The following PUDP variants were observed in gnomAD, a reference collection of about 807,000 sequenced individuals.
PUDP encodes the protein pseudouridine-5'-phosphatase.
Under a neutral mutation model 9.4 loss-of-function variants are expected in PUDP, and 8 were observed. That is an observed-to-expected ratio of 0.85 (90% CI 0.50 to 1.53). The LOEUF is 1.53. PUDP is among the 40% of genes most tolerant of loss of function. The pLI is 0.00. For missense variants in PUDP, 188 were observed against 189.7 expected (o/e 0.99, Z 0.05); for synonymous variants, 99 against 80.7 (o/e 1.23, Z -1.22).
chrX:7,043,472 G>C (rs1467148283), intron 1 of PUDP, among the ~76,000 whole-genome samples: 1 of 112,046 alleles, frequency 8.9e-6, no homozygotes, highest in Admixed American at 9.5e-5. Flanking sequence ...ACCAGAAGCA[G>C]ATGCTGGTGC....
intron 3 of PUDP, among the ~76,000 whole-genome samples, chrX:7,072,813 CAA>C (rs774767127): frequency 3.0e-5 from 1 of 33,015 alleles, no homozygotes. Flanking sequence ...GACTGTGTCT[CAA>C]AAAAAAAAAA....
At chrX:7,048,802 CA>C (rs1949564721), downstream of PUDP, 1 of 112,423 alleles carries the variant, frequency 8.9e-6, no homozygotes, top group African/African-American at 3.2e-5. Flanking sequence ...TATCCGTTTA[CA>C]GTTGGAGTAC....
intron 3 of PUDP, among the ~76,000 whole-genome samples, chrX:6,826,033 T>C (rs991866546): frequency 1.3e-4 from 14 of 111,833 alleles, no homozygotes; most frequent in African/African-American, 4.6e-4. Context: ...ATTCTCATTG[T>C]CTTTGCAAAA....
intron 3 of PUDP, among the ~76,000 whole-genome samples, chrX:6,781,592 C>A (rs1271052928): frequency 2.7e-5 from 3 of 112,063 alleles, no homozygotes; most frequent in Non-Finnish European, 3.8e-5. Context: ...GCTTTTGATT[C>A]TGTTTTCAGA....
chrX:6,876,303 T>C (rs989227659), intron 3 of PUDP, among the ~76,000 whole-genome samples: 1 of 111,572 alleles, frequency 9.0e-6, no homozygotes, highest in Non-Finnish European at 1.9e-5. Context: ...GGCTAAGCTA[T>C]GATGTTCAGC....
chrX:6,913,055 AAATT>A (rs1927872380), intron 3 of PUDP, among the ~76,000 whole-genome samples: 2 of 112,056 alleles, frequency 1.8e-5, no homozygotes, highest in African/African-American at 6.5e-5. Flanking sequence ...TTGGGCATAT[AAATT>A]GTTTCTCATC....
intron 3 of PUDP, among the ~76,000 whole-genome samples, chrX:7,053,513 T>G (rs920885140): frequency 3.6e-5 from 4 of 111,653 alleles, no homozygotes; most frequent in Admixed American, 9.4e-5. Context: ...TCTCACAAGA[T>G]CTGATGGTTT....
chrX:6,903,952 A>T (rs1470129434), intron 3 of PUDP, among the ~76,000 whole-genome samples: 8 of 80,346 alleles, frequency 1.0e-4, no homozygotes, highest in East Asian at 4.4e-4. Context: ...ATATATATAT[A>T]TTTATTTTTT....
chrX:7,118,501 T>C (rs1345388217), intron 1 of PUDP, among the ~76,000 whole-genome samples: 1 of 112,369 alleles, frequency 8.9e-6, no homozygotes, highest in African/African-American at 3.2e-5. Context: ...TTTGGTTAAG[T>C]ACTGTACTGC....
chrX:7,095,209 C>T (rs1302917683), intron 2 of PUDP, among the ~76,000 whole-genome samples: 3 of 112,456 alleles, frequency 2.7e-5, no homozygotes, highest in Non-Finnish European at 5.6e-5. Flanking sequence ...TCTTCATTCC[C>T]CACCTGGGTT....
chrX:7,124,823 C>T (rs956268510), intron 1 of PUDP, among the ~76,000 whole-genome samples: 2 of 109,379 alleles, frequency 1.8e-5, no homozygotes, highest in Non-Finnish European at 3.8e-5. Context: ...TGGCGGGCAC[C>T]TGTAGTCCCA....
At chrX:7,129,292 G>A (rs750958032) in intron 1 of PUDP, among the ~76,000 whole-genome samples, 4 of 112,256 alleles carry the variant, frequency 3.6e-5, no homozygotes, top group Non-Finnish European at 5.6e-5. Flanking sequence ...AAAATGAGGT[G>A]TGGAGAGAAG....
At chrX:6,765,644 T>G (rs181218361) in intron 3 of PUDP, among the ~76,000 whole-genome samples, 2 of 111,842 alleles carry the variant, frequency 1.8e-5, no homozygotes, top group East Asian at 5.6e-4. Flanking sequence ...AAAACATTAG[T>G]GAGAAATGAC....
intron 1 of PUDP, among the ~76,000 whole-genome samples, chrX:7,026,245 T>G (rs955000628): frequency 2.7e-5 from 3 of 111,908 alleles, no homozygotes; most frequent in Non-Finnish European, 5.6e-5. Context: ...GCAGGCTCAG[T>G]GCTCCTTACC....
At chrX:6,713,598 A>G (rs1924559701) in intron 1 of PUDP, among the ~76,000 whole-genome samples, 1 of 111,985 alleles carries the variant, frequency 8.9e-6, no homozygotes, top group Non-Finnish European at 1.9e-5. Flanking sequence ...AACTTACTAT[A>G]TTTATTATGG....
chrX:7,050,726 G>A (rs191631956), intron 3 of PUDP, among the ~76,000 whole-genome samples: 2 of 112,343 alleles, frequency 1.8e-5, no homozygotes, highest in Non-Finnish European at 3.8e-5. Context: ...ATGGAGCGCA[G>A]CTGTGTGGTG....
At chrX:6,750,023 C>T (rs1471369931) in intron 3 of PUDP, among the ~76,000 whole-genome samples, 2 of 111,883 alleles carry the variant, frequency 1.8e-5, no homozygotes, top group African/African-American at 3.3e-5. Context: ...TTAAATGGAA[C>T]GTATTTGGGG....
chrX:6,840,205 C>T (rs1926646538), intron 3 of PUDP, among the ~76,000 whole-genome samples: 1 of 111,766 alleles, frequency 8.9e-6, no homozygotes, highest in South Asian at 3.8e-4. Flanking sequence ...TTCTGTCTTG[C>T]CTGCTGCCAT....
At chrX:6,772,779 A>AACAC (rs202042328) in intron 3 of PUDP, among the ~76,000 whole-genome samples, 2 of 106,709 alleles carry the variant, frequency 1.9e-5, no homozygotes, top group African/African-American at 6.8e-5. Context: ...GCAGAAAATT[A>AACAC]AAACAAACAA....
Sources: allele counts gnomAD v4.1 joint callset (sites outside exome capture counted in the v4.1 genomes callset), GRCh38; gene constraint gnomAD v4.1.1; transcripts MANE v1.5; gene names NCBI Gene and HGNC (gene_info 2026-07-23, HGNC 2026-07-21).